RPS6KA2: variants seen among roughly 807,000 people sequenced by gnomAD.
RPS6KA2 encodes the protein ribosomal protein S6 kinase A2.
RPS6KA2 carries 42 observed loss-of-function variants against 91.8 expected under a neutral mutation model. The observed-to-expected ratio is 0.46, with a 90% confidence interval of 0.36 to 0.59. The LOEUF (loss-of-function observed/expected upper bound fraction) is 0.59, where lower values mean the gene tolerates loss of function less well. Among genes scored for constraint, RPS6KA2 ranks in the 20% least tolerant of loss-of-function variants. RPS6KA2 has a pLI of 0.00. For synonymous variants in RPS6KA2, 414 were observed against 393.6 expected (o/e 1.05, Z -0.61); for missense variants, 798 against 978.5 (o/e 0.82, Z 2.46).
chr6:166,453,278 A>T (rs1779977454), intron 12 of RPS6KA2, among the ~76,000 whole-genome samples: 1 of 152,118 alleles, frequency 6.6e-6, no homozygotes, highest in Admixed American at 6.6e-5. Flanking sequence ...GAATGAACAG[A>T]CAACCTGCAG....
rs1024416312 is a variant in RPS6KA2 at position 166,450,962 on chromosome 6, G to A, written c.1206+141C>T. 9.3e-6 allele frequency: 9 copies of A among 972,724 alleles called. No individual in the cohort carries two copies. In the African/African-American group the frequency reaches 1.3e-4, roughly 14 times the overall value. The allele number at this position is 972,724 out of a possible 1,614,324, so 60.3% of individuals were successfully genotyped here. ...TGGCAGACACTCAGAACAATGGGAA[G>A]TGTGAGGGAAGAATTGGTGATTAAA... On this transcript the variant is annotated intron_variant, in intron 13 of 20. Coordinates refer to ENST00000265678, the MANE Select transcript of RPS6KA2 (RefSeq NM_021135.6).
At chr6:166,566,979 G>C (rs1784525489) in intron 1 of RPS6KA2, among the ~76,000 whole-genome samples, 1 of 152,206 alleles carries the variant, frequency 6.6e-6, no homozygotes, top group African/African-American at 2.4e-5. Flanking sequence ...CGTCGCAGGT[G>C]CAAATGTGAA....
At position 166,840,673 on chromosome 6, in the gene RPS6KA2, T is replaced by A. The variant is rs549800473; in HGVS notation, c.123+17527A>T. ...AACCTTGAAATGTACCATCTCACAT[T>A]GTTTAAAAAGAAAGCTGGGCCGGGC... On this transcript the variant is annotated intron_variant, in intron 2 of 21. Coordinates refer to the RPS6KA2 transcript ENST00000503859. 4.6e-5 allele frequency among the ~76,000 whole-genome samples: 7 copies of A among 152,286 alleles called. 1 individual carries two copies. Among genetic ancestry groups the A allele is most frequent in the African/African-American group, 1.7e-4 (7 of 41,564 alleles).
chr6:166,502,643 T>C (rs147859460), intron 6 of RPS6KA2, among the ~76,000 whole-genome samples: 3 of 152,114 alleles, frequency 2.0e-5, no homozygotes, highest in African/African-American at 7.2e-5. Context: ...ACTTGGAGGG[T>C]AATTAATACC....
At chr6:166,727,319 AACACACACACAC>A (rs10541160) in intron 2 of RPS6KA2, among the ~76,000 whole-genome samples, 24 of 146,536 alleles carry the variant, frequency 1.6e-4, no homozygotes, top group Non-Finnish European at 2.9e-4. Flanking sequence ...TAAACAAACA[AACACACACACAC>A]ACACACACAC....
At chr6:166,624,205 G>C (rs1394854950) in intron 1 of RPS6KA2, among the ~76,000 whole-genome samples, 1 of 152,202 alleles carries the variant, frequency 6.6e-6, no homozygotes, top group Admixed American at 6.5e-5. Context: ...TTAATTTCCT[G>C]TTTATGTCAC....
At position 166,758,749 on chromosome 6, in the gene RPS6KA2, A is replaced by G. The variant is rs145844932; in HGVS notation, c.123+99451T>C. On this transcript the variant is annotated intron_variant, in intron 2 of 21. Transcript: ENST00000503859. ...AAAAACACAGGACTTGAAAAGAAGG[A>G]AGCAAAGGCAAAGAGGAAATTTAAG... Among the ~76,000 whole-genome samples, 651 of 152,328 alleles carry G rather than the reference A, an allele frequency of 4.3e-3. 1 individual carries two copies. The highest frequency in any genetic ancestry group is 6.5e-3 in the Non-Finnish European group (444 of 68,026).
chr6:166,531,138 G>A (rs939733724), intron 3 of RPS6KA2, 94 bp downstream of exon 3: 3 of 853,310 alleles, frequency 3.5e-6, no homozygotes, highest in South Asian at 2.7e-5. Flanking sequence ...TTCAGAAATC[G>A]TGAACATTAA....
chr6:166,548,908 G>A (rs983006251), intron 1 of RPS6KA2, among the ~76,000 whole-genome samples: 1 of 152,202 alleles, frequency 6.6e-6, no homozygotes, highest in Admixed American at 6.5e-5. Flanking sequence ...GCTATAGAGT[G>A]GGAGAAAATG....
chr6:166,587,065 AAAG>A (rs778309565), intron 1 of RPS6KA2, among the ~76,000 whole-genome samples: 5 of 152,262 alleles, frequency 3.3e-5, no homozygotes, highest in South Asian at 4.1e-4. Flanking sequence ...GTGGAGCTAC[AAAG>A]AAGAAGCCTG....
intron 8 of RPS6KA2, among the ~76,000 whole-genome samples, chr6:166,492,670 T>A (rs1781633606): frequency 6.6e-6 from 1 of 152,172 alleles, no homozygotes; most frequent in African/African-American, 2.4e-5. Flanking sequence ...TATTTTTTGC[T>A]GATGGACTGG....
At chr6:166,501,910 C>T (rs1782042135) in intron 6 of RPS6KA2, among the ~76,000 whole-genome samples, 1 of 152,186 alleles carries the variant, frequency 6.6e-6, no homozygotes, top group Non-Finnish European at 1.5e-5. Context: ...GCCTGACTTG[C>T]TACAGCACAG....
rs538198336 is a variant in RPS6KA2 at position 166,430,134 on chromosome 6, T to G, written c.1581+319A>C. ...CATCATGCCCAGCTAATTTTTTTTT[T>G]GTTGTTGTTATTTTTAGTAGAGACA... On this transcript the variant is annotated intron_variant, in intron 16 of 20. Transcript: ENST00000265678. Among the ~76,000 whole-genome samples the G allele has an allele frequency of 4.8e-3, 725 of 151,560 alleles. 5 individuals are homozygous for G. Among genetic ancestry groups the G allele is most frequent in the African/African-American group, 0.017 (687 of 41,172 alleles).
At chr6:166,786,605 A>C (rs1778936713) in intron 2 of RPS6KA2, among the ~76,000 whole-genome samples, 1 of 152,208 alleles carries the variant, frequency 6.6e-6, no homozygotes, top group South Asian at 2.1e-4. Context: ...TTGCTAGGTT[A>C]ATAGATATTG....
At chr6:166,787,785 C>G (rs1333794813) in intron 2 of RPS6KA2, among the ~76,000 whole-genome samples, 1 of 152,064 alleles carries the variant, frequency 6.6e-6, no homozygotes, top group Non-Finnish European at 1.5e-5. Flanking sequence ...ATGACTAAAA[C>G]ACCAAAAGCA....
intron 2 of RPS6KA2, among the ~76,000 whole-genome samples, chr6:166,695,896 T>C (rs774638152): frequency 1.3e-5 from 2 of 152,094 alleles, no homozygotes; most frequent in Non-Finnish European, 2.9e-5. Flanking sequence ...GAGCACTAGA[T>C]TCTCACAGGA....
At chr6:166,786,597 G>T (rs1445674017) in intron 2 of RPS6KA2, among the ~76,000 whole-genome samples, 1 of 151,996 alleles carries the variant, frequency 6.6e-6, no homozygotes, top group Non-Finnish European at 1.5e-5. Context: ...TTCAAACATT[G>T]CTAGGTTAAT....
rs1786901206 is a variant in RPS6KA2, at chr6:166,626,897, G to A, written c.99+24C>T. 2 of 1,468,872 alleles carry A rather than the reference G, an allele frequency of 1.4e-6. No individual in the cohort carries two copies. Among genetic ancestry groups the A allele is most frequent in the South Asian group, 1.3e-5 (1 of 75,718 alleles). 91.0% of individuals were successfully genotyped at this position (1,468,872 alleles called of 1,614,324 possible). ...GGCCCGCTCAGTGCCCGGCACCTGC[G>A]CGCCCCGAGGGCGGCCGCATTACCT... On this transcript the variant is annotated intron_variant, in intron 1 of 20. Transcript: ENST00000265678. The surrounding 1 kb of genome is among the most constrained non-coding windows in gnomAD (Gnocchi z 4.1).
chr6:166,744,202 T>G (rs1393816879), intron 2 of RPS6KA2, among the ~76,000 whole-genome samples: 1 of 152,266 alleles, frequency 6.6e-6, no homozygotes. Context: ...GACCTGGATT[T>G]TCCTTTTTAA....
Sources: allele counts gnomAD v4.1 joint callset (sites outside exome capture counted in the v4.1 genomes callset), GRCh38; gene constraint gnomAD v4.1.1; non-coding constraint Gnocchi (gnomAD v3.1); transcripts MANE v1.5; gene names NCBI Gene and HGNC (gene_info 2026-07-23, HGNC 2026-07-21).